COL4A1: variants seen among roughly 807,000 people sequenced by gnomAD.
COL4A1 encodes collagen type IV alpha 1 chain.
Under a neutral mutation model 216.6 loss-of-function variants are expected in COL4A1, and 40 were observed. That is an observed-to-expected ratio of 0.18 (90% CI 0.14 to 0.24). The LOEUF is 0.24. Ranked by LOEUF, COL4A1 falls within the 10% of genes least tolerant of loss-of-function variation. COL4A1 has a pLI of 1.00. For synonymous variants in COL4A1, 839 were observed against 810.7 expected (o/e 1.03, Z -0.59); for missense variants, 1,628 against 2,196.8 (o/e 0.74, Z 5.18).
chr13:110,194,126 A>G lies in COL4A1; in HGVS notation c.1381+897T>C, dbSNP rs74580392. On this transcript the variant is annotated intron_variant, in intron 22 of 51. Coordinates refer to ENST00000375820, the MANE Select transcript of COL4A1 (RefSeq NM_001845.6). ...GGTAACTAGAGCAGACAGACTCATTAAAACCCAAACTGTACACTGACTCAG... is the reference window on the plus strand; with the variant it reads ...GGTAACTAGAGCAGACAGACTCATTGAAACCCAAACTGTACACTGACTCAG... Among the ~76,000 whole-genome samples the G allele has an allele frequency of 9.6e-3, 1,456 of 152,326 alleles. 16 individuals carry two copies. Among genetic ancestry groups the G allele is most frequent in the African/African-American group, 0.031 (1,306 of 41,568 alleles).
At chr13:110,296,286 C>T (rs1884272313) in intron 1 of COL4A1, among the ~76,000 whole-genome samples, 1 of 152,344 alleles carries the variant, frequency 6.6e-6, no homozygotes, top group Middle Eastern at 3.4e-3. Flanking sequence ...TCTTGGAATA[C>T]ATTAGGGATA....
intron 1 of COL4A1, 32 bp from the exon 2 acceptor site, chr13:110,242,766 A>G (rs1448518544): frequency 2.2e-5 from 36 of 1,612,178 alleles, no homozygotes; most frequent in Non-Finnish European, 3.0e-5. Context: ...TTTAAATAGA[A>G]GAACACTTTC....
chr13:110,209,522 A>G (rs1879677822), intron 10 of COL4A1, 95 bp from the exon 11 acceptor site: 2 of 916,624 alleles, frequency 2.2e-6, no homozygotes, highest in Admixed American at 4.5e-5. Context: ...TTCTCTGGTC[A>G]ACATGATAAT....
chr13:110,162,951 C>T (rs941973403), intron 47 of COL4A1, among the ~76,000 whole-genome samples: 19 of 152,198 alleles, frequency 1.2e-4, no homozygotes, highest in Admixed American at 5.2e-4. Flanking sequence ...GCTTCTGTCC[C>T]CTCTCTAACT....
At chr13:110,192,939 T>A in intron 22 of COL4A1, 26 bp from the exon 23 acceptor site, 5 of 1,604,662 alleles carry the variant, frequency 3.1e-6, no homozygotes, top group Non-Finnish European at 4.3e-6. Context: ...CAAAGGTGCT[T>A]ACGTGTAACA....
intron 1 of COL4A1, among the ~76,000 whole-genome samples, chr13:110,269,275 T>TA (rs1424846670): frequency 2.6e-5 from 4 of 152,218 alleles, no homozygotes; most frequent in Non-Finnish European, 4.4e-5. Context: ...TTGTTTATGA[T>TA]ATAATTTAAT....
At chr13:110,261,774 C>G (rs1458448220) in intron 1 of COL4A1, among the ~76,000 whole-genome samples, 1 of 152,336 alleles carries the variant, frequency 6.6e-6, no homozygotes, top group East Asian at 1.9e-4. Context: ...CAGACATTGT[C>G]TCCTAAGGAC....
intron 31 of COL4A1, 133 bp downstream of exon 31, chr13:110,178,790 C>T (rs1566353124): frequency 5.6e-6 from 4 of 715,512 alleles, no homozygotes; most frequent in Non-Finnish European, 9.7e-6. Flanking sequence ...TTCACAAACT[C>T]GAGTTTTATT....
At chr13:110,274,465 C>T (rs1346370117) in intron 1 of COL4A1, among the ~76,000 whole-genome samples, 4 of 152,152 alleles carry the variant, frequency 2.6e-5, no homozygotes, top group South Asian at 2.1e-4. Flanking sequence ...TGGATCTGGC[C>T]GCATTCCTTG....
intron 50 of COL4A1, 22 bp from the exon 51 acceptor site, chr13:110,152,528 T>C (rs1876554655): frequency 6.2e-7 from 1 of 1,600,632 alleles, no homozygotes; most frequent in Non-Finnish European, 8.5e-7. Flanking sequence ...ATGCGAGCCG[T>C]GAGTCAGAGG....
chr13:110,219,752 G>A (rs1474054773), intron 2 of COL4A1, among the ~76,000 whole-genome samples: 2 of 136,988 alleles, frequency 1.5e-5, no homozygotes, highest in African/African-American at 5.4e-5. Context: ...ATACATATGT[G>A]TATATATGCG....
intron 1 of COL4A1, among the ~76,000 whole-genome samples, chr13:110,290,551 C>T (rs973877250): frequency 6.6e-6 from 1 of 152,160 alleles, no homozygotes; most frequent in African/African-American, 2.4e-5. Flanking sequence ...ACTCTAGCTT[C>T]ACTCGCAAAC....
intron 42 of COL4A1, 106 bp from the exon 43 acceptor site, chr13:110,169,868 A>G: frequency 7.3e-7 from 1 of 1,370,868 alleles, no homozygotes; most frequent in African/African-American, 1.5e-5. Flanking sequence ...CTGATACAAC[A>G]CTGGACCAAC....
chr13:110,306,347 C>T (rs962046027), intron 1 of COL4A1, among the ~76,000 whole-genome samples: 1 of 152,214 alleles, frequency 6.6e-6, no homozygotes. Flanking sequence ...TCAAGCCGGG[C>T]GTCCAGAAGA....
rs752698039 is a variant in COL4A1, at chr13:110,178,939, T to A, written c.2442A>T (p.Gly814=). 1.2e-6 allele frequency: 2 copies of A among 1,611,542 alleles called. No individual in the cohort carries two copies. The highest frequency in any genetic ancestry group is 4.5e-5 in the East Asian group (2 of 44,842). The part of the protein sequence containing the change: ...PGARGPPGGQ[G]PPGLSGPPGI... ...GTCACTCACCTGACAACCCCGGTGG[T>A]CCCTGTCCTCCAGGGGGACCCCTAG... The change falls in exon 31 of 52, where the codon GGA becomes GGT. Residue 814 remains glycine (G), a synonymous_variant. Transcript: ENST00000375820.
At chr13:110,213,692 C>G (rs960172970) in intron 4 of COL4A1, 90 bp downstream of exon 4, 1 of 1,328,130 alleles carries the variant, frequency 7.5e-7, no homozygotes, top group Non-Finnish European at 1.1e-6. Context: ...AGGACGAGGG[C>G]AAGGAGAAAG....
chr13:110,209,104 C>CT (rs1463345270), intron 11 of COL4A1, among the ~76,000 whole-genome samples: 2 of 151,894 alleles, frequency 1.3e-5, no homozygotes, highest in African/African-American at 4.8e-5. Context: ...TTCCAAAGAC[C>CT]TTTTTAAAAA....
At chr13:110,156,510 C>T (rs1054891503) in intron 49 of COL4A1, among the ~76,000 whole-genome samples, 3 of 152,198 alleles carry the variant, frequency 2.0e-5, no homozygotes, top group South Asian at 2.1e-4. Context: ...CATCCACTGC[C>T]GCTGAAGTGA....
rs1223659863 is a variant in COL4A1, at chr13:110,201,463, C to T, written c.1059G>A (p.Gly353=). The T allele has an allele frequency of 3.7e-6, 6 of 1,613,944 alleles. No individual in the cohort carries two copies. Among genetic ancestry groups the T allele is most frequent in the Non-Finnish European group, 5.1e-6 (6 of 1,179,994 alleles). ...KGERGYPGTP[G]PRGEPGPKGF... Reference sequence around the variant, plus strand: ...CTTTTGGGCCTGGCTCTCCTCTTGGCCCCGGAGTTCCAGGGTAGCCCCTCT... The same window carrying T: ...CTTTTGGGCCTGGCTCTCCTCTTGGTCCCGGAGTTCCAGGGTAGCCCCTCT... The change falls in exon 19 of 52, where the codon GGG becomes GGA. Residue 353 remains glycine, a synonymous_variant. Coordinates refer to ENST00000375820, the MANE Select transcript of COL4A1 (RefSeq NM_001845.6).
Sources: allele counts gnomAD v4.1 joint callset (sites outside exome capture counted in the v4.1 genomes callset), GRCh38; gene constraint gnomAD v4.1.1; transcripts MANE v1.5; gene names NCBI Gene and HGNC (gene_info 2026-07-23, HGNC 2026-07-21).